Variants in KCNIP4 observed in about 807,000 individuals in gnomAD.
KCNIP4 encodes the protein potassium voltage-gated channel interacting protein 4, also known as Kv channel-interacting protein 4.
Under a neutral mutation model 34.0 loss-of-function variants are expected in KCNIP4, and 12 were observed. The ratio of observed to expected loss-of-function variants is 0.35; its 90% CI spans 0.23 to 0.57. The LOEUF is 0.57. Among genes scored for constraint, KCNIP4 ranks in the 20% least tolerant of loss-of-function variants. The probability of loss-of-function intolerance (pLI) is 0.83; values close to 1 mark genes in which losing one functional copy is unlikely to be tolerated. For synonymous variants in KCNIP4, 124 were observed against 102.2 expected, an observed-to-expected ratio of 1.21 and a Z score of -1.29; for missense variants, 238 against 311.7, an observed-to-expected ratio of 0.76 and a Z score of 1.78.
At chr4:21,465,355 G>C (rs1477376447) in intron 1 of KCNIP4, among the ~76,000 whole-genome samples, 3 of 152,076 alleles carry the variant, frequency 2.0e-5, no homozygotes, top group Non-Finnish European at 4.4e-5. Flanking sequence ...ATCAATGCTG[G>C]ATTATGAATG....
chr4:21,523,128 G>C (rs1196224400), intron 1 of KCNIP4, among the ~76,000 whole-genome samples: 1 of 152,068 alleles, frequency 6.6e-6, no homozygotes, highest in African/African-American at 2.4e-5. Flanking sequence ...GGTCCTCATT[G>C]GACATCAAGT....
At chr4:21,128,638 C>A (rs1223840854) in intron 1 of KCNIP4, among the ~76,000 whole-genome samples, 1 of 152,184 alleles carries the variant, frequency 6.6e-6, no homozygotes, top group East Asian at 1.9e-4. Flanking sequence ...TCAATGCATA[C>A]CTCATTTAGA....
chr4:21,092,164 A>C (rs1388377477), intron 1 of KCNIP4, among the ~76,000 whole-genome samples: 1 of 152,090 alleles, frequency 6.6e-6, no homozygotes, highest in African/African-American at 2.4e-5. Flanking sequence ...TTTGTTGAGC[A>C]TTTATATGTC....
In KCNIP4 at chr4:20,763,681, CTG is replaced by C. The variant is rs367777627; in HGVS notation, c.289-4793_289-4792del. ...CATGTTTGAAAGATACTCCAAGTGT[CTG>C]TGTTCTGAAACAGTTCTCCCACTGA... is the stretch of plus-strand genomic sequence containing the variant. On this transcript the variant is annotated intron_variant, in intron 3 of 8. Coordinates refer to ENST00000382152, the MANE Select transcript of KCNIP4 (RefSeq NM_025221.6). Among the ~76,000 whole-genome samples, 346 of 152,246 alleles carry C rather than the reference CTG, an allele frequency of 2.3e-3. 7 individuals carry two copies. In the South Asian group the frequency reaches 0.044, roughly 19 times the overall value.
intron 1 of KCNIP4, among the ~76,000 whole-genome samples, chr4:21,705,566 G>T (rs1459340345): frequency 6.6e-6 from 1 of 152,106 alleles, no homozygotes; most frequent in Non-Finnish European, 1.5e-5. Context: ...GTCTCATGGA[G>T]CTTATAATGG....
intron 1 of KCNIP4, among the ~76,000 whole-genome samples, chr4:21,463,650 A>G (rs1729668902): frequency 6.6e-6 from 1 of 151,970 alleles, no homozygotes. Flanking sequence ...CATTTATAAG[A>G]GATACTGCTC....
At chr4:21,103,826 C>T (rs952095371) in intron 1 of KCNIP4, among the ~76,000 whole-genome samples, 7 of 147,020 alleles carry the variant, frequency 4.8e-5, no homozygotes, top group African/African-American at 1.3e-4. Flanking sequence ...TGAGTGAGAA[C>T]ATGCGGTGTT....
intron 1 of KCNIP4, among the ~76,000 whole-genome samples, chr4:20,908,390 C>T (rs980202828): frequency 1.3e-5 from 2 of 152,204 alleles, no homozygotes; most frequent in African/African-American, 2.4e-5. Flanking sequence ...CCACCGCACC[C>T]GGCCTCGTCA....
intron 1 of KCNIP4, among the ~76,000 whole-genome samples, chr4:21,703,905 C>A (rs1713063169): frequency 6.6e-6 from 1 of 152,098 alleles, no homozygotes. Flanking sequence ...GTCTTGAAAT[C>A]AGGTAGAATG....
intron 1 of KCNIP4, among the ~76,000 whole-genome samples, chr4:21,856,138 G>A (rs1724738562): frequency 6.6e-6 from 1 of 152,206 alleles, no homozygotes; most frequent in Admixed American, 6.5e-5. Flanking sequence ...ACATCACCTT[G>A]GGTGGGGTCA....
At chr4:21,836,889 T>A in intron 1 of KCNIP4, among the ~76,000 whole-genome samples, 1 of 149,622 alleles carries the variant, frequency 6.7e-6, no homozygotes, top group East Asian at 2.0e-4. Context: ...GCTGAAGTTG[T>A]GGAAGCTCAA....
At chr4:21,814,374 A>G (rs1251944933) in intron 1 of KCNIP4, among the ~76,000 whole-genome samples, 1 of 152,120 alleles carries the variant, frequency 6.6e-6, no homozygotes. Flanking sequence ...ATTGAATTAC[A>G]GGGATGGGTC....
intron 1 of KCNIP4, among the ~76,000 whole-genome samples, chr4:21,477,673 C>A (rs1047754829): frequency 2.6e-5 from 4 of 152,156 alleles, no homozygotes; most frequent in Non-Finnish European, 5.9e-5. Context: ...AATCATTATG[C>A]TAGTTCTCAC....
intron 2 of KCNIP4, among the ~76,000 whole-genome samples, chr4:20,881,368 G>T (rs1724663044): frequency 6.6e-6 from 1 of 151,874 alleles, no homozygotes; most frequent in African/African-American, 2.4e-5. Flanking sequence ...CTACAAAATG[G>T]TGTAGCAGTA....
chr4:21,599,862 G>C (rs1404130513), intron 1 of KCNIP4, among the ~76,000 whole-genome samples: 1 of 152,050 alleles, frequency 6.6e-6, no homozygotes, highest in Non-Finnish European at 1.5e-5. Context: ...ATTGGAGGCA[G>C]GCCCAAAGGA....
chr4:21,677,905 A>C (rs1750033571), intron 1 of KCNIP4, among the ~76,000 whole-genome samples: 1 of 152,132 alleles, frequency 6.6e-6, no homozygotes, highest in African/African-American at 2.4e-5. Flanking sequence ...ATGAGTCACC[A>C]CACCTGGCTA....
At chr4:21,525,978 A>G (rs1298062331) in intron 1 of KCNIP4, among the ~76,000 whole-genome samples, 1 of 151,264 alleles carries the variant, frequency 6.6e-6, no homozygotes, top group Non-Finnish European at 1.5e-5. Context: ...TTACTAAATC[A>G]AAAACATTAT....
At chr4:21,864,012 G>GT (rs1394753860) in intron 1 of KCNIP4, among the ~76,000 whole-genome samples, 1 of 152,192 alleles carries the variant, frequency 6.6e-6, no homozygotes, top group African/African-American at 2.4e-5. Flanking sequence ...CTGAAGTAAT[G>GT]TTTTTCCACG....
At chr4:21,788,769 T>C (rs1220121249) in intron 1 of KCNIP4, among the ~76,000 whole-genome samples, 1 of 152,020 alleles carries the variant, frequency 6.6e-6, no homozygotes, top group Non-Finnish European at 1.5e-5. Flanking sequence ...CTTATGTCAT[T>C]GTCATTGTAA....
Sources: allele counts gnomAD v4.1 joint callset (sites outside exome capture counted in the v4.1 genomes callset), GRCh38; gene constraint gnomAD v4.1.1; transcripts MANE v1.5; gene names NCBI Gene and HGNC (gene_info 2026-07-23, HGNC 2026-07-21).